Variants in PRKAR2B observed in about 807,000 individuals in gnomAD.
PRKAR2B encodes the protein protein kinase cAMP-dependent type II regulatory subunit beta, also known as cAMP-dependent protein kinase type II-beta regulatory subunit.
A neutral mutation model predicts 49.9 loss-of-function variants in PRKAR2B; 14 were observed. The ratio of observed to expected loss-of-function variants is 0.28; its 90% CI spans 0.19 to 0.44. The LOEUF (loss-of-function observed/expected upper bound fraction) is 0.44, where lower values mean the gene tolerates loss of function less well. Among genes scored for constraint, PRKAR2B ranks in the 20% least tolerant of loss-of-function variants. The probability of loss-of-function intolerance (pLI) is 1.00; values close to 1 mark genes in which losing one functional copy is unlikely to be tolerated. For missense variants in PRKAR2B, 393 were observed against 537.9 expected, an observed-to-expected ratio of 0.73 and a Z score of 2.67; for synonymous variants, 196 against 197.7, an observed-to-expected ratio of 0.99 and a Z score of 0.07.
At chr7:107,154,746 T>C (rs1796048430) in intron 8 of PRKAR2B, among the ~76,000 whole-genome samples, 1 of 152,238 alleles carries the variant, frequency 6.6e-6, no homozygotes, top group East Asian at 1.9e-4. Flanking sequence ...GTCTGTATTA[T>C]TATCTTCCAT....
At chr7:107,054,881 A>G (rs1793878716) in intron 1 of PRKAR2B, among the ~76,000 whole-genome samples, 1 of 152,188 alleles carries the variant, frequency 6.6e-6, no homozygotes, top group African/African-American at 2.4e-5. Flanking sequence ...TTACATATGT[A>G]TACATGTGCC....
rs574767327 is a variant in PRKAR2B, at chr7:107,157,435, C to G, written c.1123+111C>G. 8.3e-4 allele frequency: 1,116 copies of G among 1,343,232 alleles called. 1 individual carries two copies. The highest frequency in any genetic ancestry group is 1.0e-3 in the Non-Finnish European group (1,027 of 1,008,930). 83.2% of individuals were successfully genotyped at this position (1,343,232 alleles called of 1,614,324 possible). On this transcript the variant is annotated intron_variant, in intron 10 of 10. Transcript: ENST00000265717. ...GGGTTCACAGGTTTTGTGGTCCCCA[C>G]AAAAGGTAACAAGATTAGGACTCAT...
intron 1 of PRKAR2B, chr7:107,068,606 A>T (rs893819226): frequency 6.6e-6 from 1 of 152,188 alleles, no homozygotes; most frequent in Admixed American, 6.5e-5. Context: ...GTATATAAAT[A>T]GTAAATATTG....
In PRKAR2B at chr7:107,081,835, C is replaced by T. The variant is rs114022614; in HGVS notation, c.343+11519C>T. On this transcript the variant is annotated intron_variant, in intron 2 of 10. Coordinates refer to ENST00000265717, the MANE Select transcript of PRKAR2B (RefSeq NM_002736.3). ...CAGCTTAAATGATAGTGTTGTTAGA[C>T]GTGTTTCAAGGAATTACAAAATGTT... 2.1e-3 allele frequency: 320 copies of T among 152,196 alleles called. 1 individual carries two copies. Among genetic ancestry groups the T allele is most frequent in the African/African-American group, 7.5e-3 (311 of 41,522 alleles). 9.4% of individuals were successfully genotyped at this position (152,196 alleles called of 1,614,324 possible). A position where few individuals can be genotyped will look rare whatever the true frequency, so the allele number is the denominator to read the frequency against.
intron 2 of PRKAR2B, among the ~76,000 whole-genome samples, chr7:107,097,065 TG>T (rs1268451738): frequency 2.6e-5 from 4 of 152,224 alleles, no homozygotes; most frequent in Non-Finnish European, 5.9e-5. Flanking sequence ...TGGATATCTT[TG>T]TTAACTTTCT....
In PRKAR2B at chr7:107,159,719, A is replaced by G; in HGVS notation, c.*137A>G. ...CTTTTTTTACATTTACAACGTATCA[A>G]TAAACAGTAGTGATTTAATAGTCAA... On this transcript the variant is annotated 3_prime_UTR_variant, in exon 11 of 11. Transcript: ENST00000265717. 1 of 851,150 alleles carries G rather than the reference A, an allele frequency of 1.2e-6. No homozygotes were observed. The highest frequency in any genetic ancestry group is 1.8e-6 in the Non-Finnish European group (1 of 560,964). 52.7% of individuals were successfully genotyped at this position (851,150 alleles called of 1,614,324 possible).
chr7:107,154,704 A>G (rs920471107), intron 8 of PRKAR2B, among the ~76,000 whole-genome samples: 1 of 152,254 alleles, frequency 6.6e-6, no homozygotes, highest in African/African-American at 2.4e-5. Context: ...AAGTTTCTCC[A>G]GAATCACTTT....
intron 2 of PRKAR2B, among the ~76,000 whole-genome samples, chr7:107,097,653 G>A (rs555946199): frequency 5.1e-4 from 78 of 152,266 alleles, no homozygotes; most frequent in South Asian, 1.5e-3. Flanking sequence ...GGTACCAGTT[G>A]TTCCTTTCCA....
rs148497597 is a variant in PRKAR2B, at chr7:107,060,146, CAATA to C, written c.308-10130_308-10127del. ...TATTTATCAGTTTTAATTTATAATA[CAATA>C]AATATCAATGGATATAACCATATAC... On this transcript the variant is annotated intron_variant, in intron 1 of 10. Coordinates refer to ENST00000265717, the MANE Select transcript of PRKAR2B (RefSeq NM_002736.3). Among the ~76,000 whole-genome samples, 1,077 of 151,938 alleles carry C rather than the reference CAATA, an allele frequency of 7.1e-3. 10 individuals are homozygous for C. The highest frequency in any genetic ancestry group is 0.024 in the African/African-American group (987 of 41,402).
At chr7:107,054,220 G>A (rs560604193) in intron 1 of PRKAR2B, among the ~76,000 whole-genome samples, 2 of 152,208 alleles carry the variant, frequency 1.3e-5, no homozygotes, top group South Asian at 2.1e-4. Context: ...CTGGCGTGGT[G>A]GCAGTTGCCT....
chr7:107,070,226 G>C, intron 1 of PRKAR2B, 55 bp from the exon 2 acceptor site: 1 of 1,415,036 alleles, frequency 7.1e-7, no homozygotes, highest in Non-Finnish European at 9.8e-7. Flanking sequence ...CCTTTTCAGG[G>C]TTTTGGGAAA....
At chr7:107,114,884 A>G (rs1795242986) in intron 2 of PRKAR2B, among the ~76,000 whole-genome samples, 1 of 152,198 alleles carries the variant, frequency 6.6e-6, no homozygotes, top group Admixed American at 6.5e-5. Flanking sequence ...TTTTAGAAAC[A>G]TAAAAACATA....
chr7:107,117,290 AG>A (rs1265699081), intron 2 of PRKAR2B, among the ~76,000 whole-genome samples: 1 of 152,090 alleles, frequency 6.6e-6, no homozygotes, highest in African/African-American at 2.4e-5. Context: ...AACTCTACTG[AG>A]TCACAACTCT....
At chr7:107,061,926 A>T (rs1304108565) in intron 1 of PRKAR2B, among the ~76,000 whole-genome samples, 2 of 152,192 alleles carry the variant, frequency 1.3e-5, no homozygotes, top group African/African-American at 4.8e-5. Context: ...AGAATGGCCA[A>T]TAAGCACGTG....
chr7:107,144,411 CTATCAT>C (rs1403830478), intron 5 of PRKAR2B, among the ~76,000 whole-genome samples: 4 of 151,922 alleles, frequency 2.6e-5, no homozygotes, highest in Non-Finnish European at 4.4e-5. Context: ...TTTCTTCTGT[CTATCAT>C]GTTTCTGCTG....
At chr7:107,126,420 CAAAAAA>C (rs35682952) in intron 3 of PRKAR2B, among the ~76,000 whole-genome samples, 3 of 38,402 alleles carry the variant, frequency 7.8e-5, no homozygotes, top group South Asian at 9.3e-4. Flanking sequence ...GAATCTGTCT[CAAAAAA>C]AAAAAAAAAA....
chr7:107,156,633 G>A (rs534084648), intron 8 of PRKAR2B, among the ~76,000 whole-genome samples: 5 of 151,906 alleles, frequency 3.3e-5, no homozygotes, highest in Admixed American at 6.6e-5. Flanking sequence ...TTGAAACCCC[G>A]TCTCTACTAA....
chr7:107,120,388 G>A (rs1318580386), intron 2 of PRKAR2B, among the ~76,000 whole-genome samples: 1 of 152,052 alleles, frequency 6.6e-6, no homozygotes, highest in Admixed American at 6.5e-5. Flanking sequence ...AAGAGTCACT[G>A]GTTCAGGTGT....
intron 3 of PRKAR2B, 93 bp downstream of exon 3, chr7:107,122,097 T>G: frequency 1.3e-6 from 1 of 759,538 alleles, no homozygotes; most frequent in Non-Finnish European, 2.1e-6. Context: ...GGCATGTAGG[T>G]TAACAGGAGA....
Sources: gnomAD v4.1 joint callset for allele counts (sites outside exome capture counted in the v4.1 genomes callset) on GRCh38, gnomAD v4.1.1 for gene constraint, MANE v1.5 for transcripts, NCBI Gene and HGNC (gene_info 2026-07-23, HGNC 2026-07-21) for gene names.